TGM2: variants seen among roughly 807,000 people sequenced by gnomAD.
TGM2 encodes the protein transglutaminase 2.
A neutral mutation model predicts 75.6 loss-of-function variants in TGM2; 53 were observed. The ratio of observed to expected loss-of-function variants is 0.70; its 90% CI spans 0.56 to 0.88. TGM2 has a LOEUF of 0.88. Among genes scored for constraint, TGM2 ranks in the 40% least tolerant of loss-of-function variants. TGM2 has a pLI of 0.00. For missense variants in TGM2, 842 were observed against 928.5 expected, an observed-to-expected ratio of 0.91 and a Z score of 1.21; for synonymous variants, 374 against 381.1, an observed-to-expected ratio of 0.98 and a Z score of 0.22.
At position 38,131,137 on chromosome 20, in the gene TGM2, A is replaced by G. The variant is rs1015813962; in HGVS notation, c.1869T>C (p.Thr623=). The part of the protein sequence containing the change: ...LPVALEGCTF[T]VEGAGLTEEQ... ...CCTCAGTCAGGCCGGCCCCCTCCAC[A>G]GTGAAGGTGCAGCCTTCCAGGGCCA... The change falls in exon 12 of 13, where the codon ACT becomes ACC. Residue 623 remains threonine (T), a synonymous_variant. Coordinates refer to ENST00000361475, the MANE Select transcript of TGM2 (RefSeq NM_004613.4). 3 of 1,613,494 alleles carry G rather than the reference A, an allele frequency of 1.9e-6. No homozygotes were observed. The highest frequency in any genetic ancestry group is 2.5e-6 in the Non-Finnish European group (3 of 1,179,964).
intron 1 of TGM2, 145 bp from the exon 2 acceptor site, chr20:38,161,744 G>T: frequency 1.0e-6 from 1 of 963,668 alleles, no homozygotes; most frequent in East Asian, 2.6e-5. Context: ...TGTCTCCCCA[G>T]CCCTGGTCAC....
At position 38,142,142 on chromosome 20, in the gene TGM2, T is replaced by G; in HGVS notation, c.917A>C (p.Asp306Ala). 1 of 1,614,118 alleles carries G rather than the reference T, an allele frequency of 6.2e-7. No individual in the cohort carries two copies. Reference protein sequence around the residue: ...RVVTNYNSAHDQNSNLLIEYF... With the variant: ...RVVTNYNSAHAQNSNLLIEYF... ...CTCGATGAGAAGGTTGCTGTTCTGG[T>G]CATGGGCCGAGTTGTAGTTGGTCAC... The change falls in exon 7 of 13, where the codon GAC (aspartate) becomes GCC (alanine). Residue 306 changes from aspartate (D) to alanine (A), a missense_variant. Coordinates refer to ENST00000361475, the MANE Select transcript of TGM2 (RefSeq NM_004613.4).
intron 10 of TGM2, 88 bp downstream of exon 10, chr20:38,138,025 T>C: frequency 6.7e-7 from 1 of 1,495,770 alleles, no homozygotes; most frequent in South Asian, 1.4e-5. Flanking sequence ...GTCTGTGGGG[T>C]GAAATCACAC....
At position 38,127,409 on chromosome 20, in the gene TGM2, T is replaced by G; in HGVS notation, c.*2810A>C. ...ACGTGATGTCATGTTTTTATTTTGA[T>G]TTATTTTTTATGTGCATGTCATGTC... On this transcript the variant is annotated 3_prime_UTR_variant, in exon 13 of 13. Coordinates refer to ENST00000361475, the MANE Select transcript of TGM2 (RefSeq NM_004613.4). 2 of 980,250 alleles carry G rather than the reference T, an allele frequency of 2.0e-6. No homozygotes were observed. Among genetic ancestry groups the G allele is most frequent in the Non-Finnish European group, 2.4e-6 (2 of 825,188 alleles). The allele number at this position is 980,250 out of a possible 1,614,324, so 60.7% of individuals were successfully genotyped here. A position where few individuals can be genotyped will look rare whatever the true frequency, so the allele number is the denominator to read the frequency against.
intron 12 of TGM2, among the ~76,000 whole-genome samples, chr20:38,130,787 A>G (rs938607893): frequency 7.2e-5 from 11 of 152,224 alleles, no homozygotes; most frequent in African/African-American, 2.7e-4. Flanking sequence ...GTGCATGCTC[A>G]TGTGTGGACA....
intron 10 of TGM2, 48 bp from the exon 11 acceptor site, chr20:38,132,548 C>T: frequency 3.1e-6 from 5 of 1,611,378 alleles, no homozygotes; most frequent in Non-Finnish European, 4.2e-6. Flanking sequence ...AATCACCCCT[C>T]CCAACTCTCT....
chr20:38,165,568 C>T (rs1400296098), upstream of TGM2, among the ~76,000 whole-genome samples: 4 of 151,944 alleles, frequency 2.6e-5, no homozygotes, highest in African/African-American at 7.3e-5. Flanking sequence ...TACAGACACA[C>T]GCAGCACCCT....
chr20:38,134,863 A>G (rs1375650554), intron 10 of TGM2, among the ~76,000 whole-genome samples: 7 of 152,212 alleles, frequency 4.6e-5, no homozygotes, highest in Non-Finnish European at 1.0e-4. Context: ...AATAACAAGT[A>G]ACTCAACCAC....
intron 1 of TGM2, among the ~76,000 whole-genome samples, chr20:38,163,338 G>A (rs770405502): frequency 6.6e-6 from 1 of 152,196 alleles, no homozygotes; most frequent in Non-Finnish European, 1.5e-5. Flanking sequence ...CCGCAAGTTG[G>A]TCCTTGCAGT....
Position 38,138,597 on chromosome 20 carries a change from A to AC in TGM2, c.1343-213dup, listed in dbSNP as rs45515991. ...ATCCCTCAAGACTCAACCCCAAATG[A>AC]CCCCTCCTCCAGGAAGCCCTCTCTG... On this transcript the variant is annotated intron_variant, in intron 9 of 12. Coordinates refer to ENST00000361475, the MANE Select transcript of TGM2 (RefSeq NM_004613.4). Among the ~76,000 whole-genome samples the AC allele has an allele frequency of 6.0e-3, 905 of 151,224 alleles. 23 individuals are homozygous for AC. The highest frequency in any genetic ancestry group is 0.053 in the Admixed American group (809 of 15,206).
At chr20:38,168,376 A>G (rs80196208), upstream of TGM2, among the ~76,000 whole-genome samples, 3 of 152,080 alleles carry the variant, frequency 2.0e-5, no homozygotes, top group Non-Finnish European at 4.4e-5. Flanking sequence ...GTCTTACCTC[A>G]CCGGGGCTGT....
Position 38,138,138 on chromosome 20 carries a change from G to T in TGM2, c.1590C>A (p.Leu530=), listed in dbSNP as rs372655534. Residue 530 remains leucine (L), a synonymous_variant, in exon 10 of 13, where the codon CTC becomes CTA. Transcript: ENST00000361475. ...LGPECGTKYL[L]NLNLEPFSEK... ...CAGAGAAAGGCTCCAGGTTGAGGTT[G>T]AGCAGGTACTTGGTGCCACACTCGG... 16 of 1,599,514 alleles carry T rather than the reference G, an allele frequency of 1.0e-5. No individual in the cohort carries two copies. In the African/African-American group the frequency reaches 1.9e-4, roughly 19 times the overall value.
intron 8 of TGM2, among the ~76,000 whole-genome samples, chr20:38,140,994 C>T (rs1269422582): frequency 1.3e-5 from 2 of 152,076 alleles, no homozygotes; most frequent in South Asian, 2.1e-4. Flanking sequence ...AGTGGAAGCT[C>T]GTGTGAATGT....
upstream of TGM2, chr20:38,165,450 GC>G: frequency 1.7e-6 from 1 of 574,006 alleles, no homozygotes; most frequent in Non-Finnish European, 3.0e-6. Flanking sequence ...GGACGAGGGC[GC>G]CCCCTGGGGG....
chr20:38,141,353 G>T lies in TGM2; in HGVS notation c.1028C>A (p.Thr343Asn). 1.3e-6 allele frequency: 2 copies of T among 1,589,222 alleles called. No homozygotes were observed. Among genetic ancestry groups the T allele is most frequent in the South Asian group, 2.3e-5 (2 of 86,910 alleles). The change falls in exon 8 of 13, where the codon ACC becomes AAC. Residue 343 changes from threonine to asparagine, a missense_variant. Coordinates refer to ENST00000361475, the MANE Select transcript of TGM2 (RefSeq NM_004613.4). ...GTACCCCGGCTGCAGGTCCGGCCTG[G>T]TCATCCACGACTCCACCCAGCAGTG... ...NFHCWVESWM[T>N]RPDLQPGYEG...
At chr20:38,150,419 C>T (rs1176617784) in intron 4 of TGM2, among the ~76,000 whole-genome samples, 1 of 152,190 alleles carries the variant, frequency 6.6e-6, no homozygotes, top group African/African-American at 2.4e-5. Context: ...GCAGATACAA[C>T]CAGATCAGCA....
chr20:38,147,467 C>A (rs1008545228), intron 5 of TGM2, among the ~76,000 whole-genome samples: 29 of 152,318 alleles, frequency 1.9e-4, no homozygotes, highest in Admixed American at 1.6e-3. Context: ...GCCTGGAATG[C>A]CCTTCTCCTG....
At chr20:38,139,760 C>G (rs1306743012) in intron 8 of TGM2, 106 bp from the exon 9 acceptor site, 2 of 1,465,262 alleles carry the variant, frequency 1.4e-6, no homozygotes, top group Admixed American at 3.9e-5. Flanking sequence ...CTCAAGACCA[C>G]GCGGCCCTCT....
intron 1 of TGM2, 109 bp from the exon 2 acceptor site, chr20:38,161,708 A>G: frequency 7.7e-7 from 1 of 1,305,248 alleles, no homozygotes; most frequent in Non-Finnish European, 1.1e-6. Flanking sequence ...ACTCCCCACA[A>G]AGCACAGCCA....
Sources: allele counts gnomAD v4.1 joint callset (sites outside exome capture counted in the v4.1 genomes callset), GRCh38; gene constraint gnomAD v4.1.1; transcripts MANE v1.5; gene names NCBI Gene and HGNC (gene_info 2026-07-23, HGNC 2026-07-21).